Variants in GATAD2B observed in about 807,000 individuals in gnomAD.
GATAD2B encodes transcriptional repressor p66-beta.
GATAD2B carries 8 observed loss-of-function variants against 64.3 expected under a neutral mutation model. The observed-to-expected ratio is 0.12, with a 90% CI of 0.07 to 0.22. GATAD2B has a LOEUF of 0.22. Among genes scored for constraint, GATAD2B ranks in the 10% least tolerant of loss-of-function variants. GATAD2B has a pLI of 1.00. For missense variants in GATAD2B, 453 were observed against 752.0 expected (o/e 0.60, Z 4.65); for synonymous variants, 281 against 271.3 (o/e 1.04, Z -0.35).
intron 1 of GATAD2B, among the ~76,000 whole-genome samples, chr1:153,919,908 C>T (rs1277083206): frequency 6.6e-6 from 1 of 152,156 alleles, no homozygotes; most frequent in African/African-American, 2.4e-5. Flanking sequence ...AAAGAAAGTC[C>T]CTCAGTCCCA....
At chr1:153,828,568 T>A (rs1557789359) in intron 1 of GATAD2B, among the ~76,000 whole-genome samples, 2 of 152,080 alleles carry the variant, frequency 1.3e-5, no homozygotes, top group African/African-American at 2.4e-5. Flanking sequence ...TTTCTGGGCA[T>A]TCAACCCAGC....
At chr1:153,873,773 A>G (rs1676742219) in intron 1 of GATAD2B, among the ~76,000 whole-genome samples, 1 of 152,166 alleles carries the variant, frequency 6.6e-6, no homozygotes, top group Non-Finnish European at 1.5e-5. Flanking sequence ...GTGAGACCCC[A>G]TCTCTACAAA....
chr1:153,821,653 G>A (rs1674687764), intron 2 of GATAD2B, among the ~76,000 whole-genome samples: 1 of 151,740 alleles, frequency 6.6e-6, no homozygotes, highest in African/African-American at 2.4e-5. Flanking sequence ...TGGAACCTCC[G>A]TCTCCTGGGT....
At chr1:153,890,163 ACT>A (rs1336560329) in intron 1 of GATAD2B, among the ~76,000 whole-genome samples, 3 of 136,928 alleles carry the variant, frequency 2.2e-5, no homozygotes, top group African/African-American at 8.2e-5. Flanking sequence ...CAAGAGCGAA[ACT>A]CTGTTTCAAA....
At chr1:153,866,659 A>G (rs1676485324) in intron 1 of GATAD2B, among the ~76,000 whole-genome samples, 1 of 152,200 alleles carries the variant, frequency 6.6e-6, no homozygotes, top group African/African-American at 2.4e-5. Context: ...TTATACACAC[A>G]CACAAACCAA....
chr1:153,891,296 G>A (rs956253347), intron 1 of GATAD2B, among the ~76,000 whole-genome samples: 4 of 151,830 alleles, frequency 2.6e-5, no homozygotes. Flanking sequence ...AGCCGGGAGT[G>A]GTGGTTCATG....
chr1:153,865,896 G>A (rs1387017485), intron 1 of GATAD2B, among the ~76,000 whole-genome samples: 1 of 152,100 alleles, frequency 6.6e-6, no homozygotes, highest in Non-Finnish European at 1.5e-5. Context: ...GCTGAGGTGG[G>A]TAGATCGCTT....
chr1:153,897,288 G>A (rs905143160), intron 1 of GATAD2B, among the ~76,000 whole-genome samples: 32 of 151,778 alleles, frequency 2.1e-4, no homozygotes, highest in African/African-American at 6.1e-4. Flanking sequence ...CTCGGCCTCC[G>A]AAAGTGCTGG....
intron 1 of GATAD2B, among the ~76,000 whole-genome samples, chr1:153,854,354 G>C (rs1388706255): frequency 6.6e-6 from 1 of 152,120 alleles, no homozygotes; most frequent in Admixed American, 6.6e-5. Context: ...AGTGAGCCGA[G>C]ATCTTGCCAC....
intron 3 of GATAD2B, 63 bp from the exon 4 acceptor site, chr1:153,818,985 G>C (rs1253292712): frequency 7.8e-6 from 12 of 1,540,114 alleles, no homozygotes; most frequent in Non-Finnish European, 1.1e-5. Context: ...TCCTGCAAGA[G>C]ACAATCTTTA....
At chr1:153,877,324 C>G (rs1420902559) in intron 1 of GATAD2B, among the ~76,000 whole-genome samples, 2 of 152,016 alleles carry the variant, frequency 1.3e-5, no homozygotes, top group African/African-American at 4.8e-5. Flanking sequence ...GCCTGGGCAA[C>G]AGAGTGAGAC....
chr1:153,839,942 C>T lies in GATAD2B; in HGVS notation c.-1-11594G>A, dbSNP rs532376033. 5.9e-5 allele frequency among the ~76,000 whole-genome samples: 9 copies of T among 151,914 alleles called. No homozygotes were observed. The East Asian group carries it at 1.2e-3, about 20-fold the overall frequency. On this transcript the variant is annotated intron_variant, in intron 1 of 10. Coordinates refer to ENST00000368655, the MANE Select transcript of GATAD2B (RefSeq NM_020699.4). ...TGAGCTGAGATCATGCCATTGCACCCTAGACCTGGCGACAAAGCGAGATTC... is the reference window on the plus strand; with the variant it reads ...TGAGCTGAGATCATGCCATTGCACCTTAGACCTGGCGACAAAGCGAGATTC...
rs1674955067 is a variant in GATAD2B, at chr1:153,828,318, G to A, written c.30C>T (p.Arg10=). The A allele has an allele frequency of 5.0e-6, 8 of 1,611,518 alleles. No homozygotes were observed. The East Asian group carries it at 1.6e-4, about 31-fold the overall frequency. Residue 10 remains arginine (R), a synonymous_variant, in exon 2 of 11, where the codon CGC becomes CGT. Transcript: ENST00000368655. ...CCAAGCTCCGCTTCAACAGATTCAA[G>A]CGAAGAGCATCTTCTGTCATTCTAT... MDRMTEDAL[R]LNLLKRSLDP... is the part of the protein sequence containing the mutation.
At chr1:153,897,526 A>G (rs574245216) in intron 1 of GATAD2B, among the ~76,000 whole-genome samples, 20 of 152,304 alleles carry the variant, frequency 1.3e-4, no homozygotes, top group Non-Finnish European at 5.9e-5. Flanking sequence ...AGACTACCCA[A>G]TGTGGGTGCA....
intron 1 of GATAD2B, among the ~76,000 whole-genome samples, chr1:153,912,853 G>A (rs1678145614): frequency 6.6e-6 from 1 of 152,090 alleles, no homozygotes; most frequent in Admixed American, 6.6e-5. Flanking sequence ...AGCACTTTGG[G>A]AGGTCGAGGC....
chr1:153,917,399 CT>C lies in GATAD2B; in HGVS notation c.-2+5333del, dbSNP rs1368509368. Among the ~76,000 whole-genome samples the C allele has an allele frequency of 1.8e-3, 210 of 119,500 alleles. 1 individual carries two copies. Among genetic ancestry groups the C allele is most frequent in the Admixed American group, 2.1e-3 (24 of 11,292 alleles). The allele number at this position is 119,500 out of a possible 152,430, so 78.4% of individuals were successfully genotyped here. A position where few individuals can be genotyped will look rare whatever the true frequency, so the allele number is the denominator to read the frequency against. On this transcript the variant is annotated intron_variant, in intron 1 of 10. Transcript: ENST00000368655. ...GTGTGAGCCACCATGCCCCACATAT[CT>C]TTTTTTTTTTTTGAAACTGAGTCTC...
chr1:153,900,511 ATTTTCT>A (rs1267931055), intron 1 of GATAD2B, among the ~76,000 whole-genome samples: 1 of 151,220 alleles, frequency 6.6e-6, no homozygotes, highest in East Asian at 2.0e-4. Context: ...TGGCAAGCTT[ATTTTCT>A]TTTTCTTTAT....
intron 1 of GATAD2B, among the ~76,000 whole-genome samples, chr1:153,892,187 A>T (rs1289343342): frequency 6.7e-6 from 1 of 150,172 alleles, no homozygotes; most frequent in Non-Finnish European, 1.5e-5. Context: ...AAAAAAAAAG[A>T]AAAGACAAGA....
chr1:153,902,502 T>C (rs933855353), intron 1 of GATAD2B, among the ~76,000 whole-genome samples: 1 of 152,096 alleles, frequency 6.6e-6, no homozygotes, highest in African/African-American at 2.4e-5. Flanking sequence ...TCACCCAGGC[T>C]CGAGTGAAGT....
Sources: gnomAD v4.1 joint callset for allele counts (sites outside exome capture counted in the v4.1 genomes callset) on GRCh38, gnomAD v4.1.1 for gene constraint, MANE v1.5 for transcripts, NCBI Gene and HGNC (gene_info 2026-07-23, HGNC 2026-07-21) for gene names.